Variants in ACTN2 observed in about 807,000 individuals in gnomAD.
ACTN2 encodes actinin alpha 2.
Under a neutral mutation model 113.8 loss-of-function variants are expected in ACTN2, and 39 were observed. The observed-to-expected ratio is 0.34, with a 90% confidence interval of 0.27 to 0.45. The LOEUF (loss-of-function observed/expected upper bound fraction) is 0.45, where lower values mean the gene tolerates loss of function less well. Ranked by LOEUF, ACTN2 falls within the 20% of genes least tolerant of loss-of-function variation. The pLI is 1.00. For missense variants in ACTN2, 992 were observed against 1,177.9 expected (o/e 0.84, Z 2.31); for synonymous variants, 429 against 444.1 (o/e 0.97, Z 0.43).
At chr1:236,688,260 G>A (rs1305135235) in intron 1 of ACTN2, among the ~76,000 whole-genome samples, 1 of 151,940 alleles carries the variant, frequency 6.6e-6, no homozygotes, top group Non-Finnish European at 1.5e-5. Context: ...TAACTCCCGG[G>A]TCTTTGTTTT....
chr1:236,748,559 C>T (rs1432524139), intron 13 of ACTN2, among the ~76,000 whole-genome samples: 1 of 152,142 alleles, frequency 6.6e-6, no homozygotes, highest in African/African-American at 2.4e-5. Context: ...GAAACAAGCG[C>T]AGGATCATCC....
rs535426810 is a variant in ACTN2 at position 236,730,449 on chromosome 1, T to C, written c.616-784T>C. On this transcript the variant is annotated intron_variant, in intron 6 of 20. Transcript: ENST00000366578. The stretch of plus-strand genomic sequence containing the variant: ...GGTTTCTAAAATATTGAAATGACTT[T>C]GTTATTAAAATTCGTTAAAGTCACA... Among the ~76,000 whole-genome samples, 14 of 152,318 alleles carry C rather than the reference T, an allele frequency of 9.2e-5. No individual in the cohort carries two copies. In the South Asian group the frequency reaches 2.7e-3, roughly 29 times the overall value.
intron 11 of ACTN2, 66 bp downstream of exon 11, chr1:236,743,109 T>G (rs569621764): frequency 6.3e-7 from 1 of 1,575,388 alleles, no homozygotes; most frequent in African/African-American, 1.3e-5. Context: ...AGAGCCATGA[T>G]GCATCCTTAC....
At chr1:236,709,570 G>A (rs1207747834) in intron 1 of ACTN2, among the ~76,000 whole-genome samples, 1 of 151,538 alleles carries the variant, frequency 6.6e-6, no homozygotes, top group East Asian at 1.9e-4. Flanking sequence ...CAGGATGCAG[G>A]TCGTGATGAG....
At position 236,708,119 on chromosome 1, in the gene ACTN2, T is replaced by TG. The variant is rs1350289432; in HGVS notation, c.127-9738dup. Among the ~76,000 whole-genome samples the TG allele has an allele frequency of 2.0e-5, 3 of 152,014 alleles. No homozygotes were observed. The East Asian group carries it at 5.8e-4, about 29-fold the overall frequency. The stretch of plus-strand genomic sequence containing the variant: ...AGCCAGGGTTCAGATTTAAGGCCTG[T>TG]GTTTTTTTAGGGATTGCTGGACTGA... On this transcript the variant is annotated intron_variant, in intron 1 of 20. Coordinates refer to ENST00000366578, the MANE Select transcript of ACTN2 (RefSeq NM_001103.4).
intron 1 of ACTN2, among the ~76,000 whole-genome samples, chr1:236,710,878 A>G (rs1470753788): frequency 6.6e-6 from 1 of 152,154 alleles, no homozygotes; most frequent in Non-Finnish European, 1.5e-5. Flanking sequence ...TTCAACCTGA[A>G]ACCATCCCCC....
chr1:236,708,120 GT>G (rs770085060), intron 1 of ACTN2, among the ~76,000 whole-genome samples: 51 of 152,098 alleles, frequency 3.4e-4, no homozygotes, highest in Middle Eastern at 3.4e-3. Flanking sequence ...TAAGGCCTGT[GT>G]TTTTTTAGGG....
intron 4 of ACTN2, among the ~76,000 whole-genome samples, chr1:236,721,015 G>GTTTTTTTTTTTT (rs869155855): frequency 2.0e-5 from 1 of 49,138 alleles, no homozygotes; most frequent in Admixed American, 3.4e-4. Flanking sequence ...TCTGGTTTTT[G>GTTTTTTTTTTTT]TTTTTTGTTT....
At chr1:236,704,429 T>A (rs1235902617) in intron 1 of ACTN2, among the ~76,000 whole-genome samples, 1 of 152,152 alleles carries the variant, frequency 6.6e-6, no homozygotes, top group Non-Finnish European at 1.5e-5. Context: ...GTCCGTTTGG[T>A]GATAGCACCG....
intron 7 of ACTN2, chr1:236,734,354 A>T: frequency 9.9e-7 from 1 of 1,014,228 alleles, no homozygotes; most frequent in East Asian, 2.7e-5. Context: ...TCCTGATTCC[A>T]ACACCTCTGA....
intron 1 of ACTN2, among the ~76,000 whole-genome samples, chr1:236,707,931 C>T (rs904959282): frequency 2.6e-5 from 4 of 151,806 alleles, no homozygotes; most frequent in Non-Finnish European, 2.9e-5. Context: ...AGGCTGGTCT[C>T]GAACTCCTAG....
chr1:236,728,257 C>G (rs1423052797), intron 6 of ACTN2, among the ~76,000 whole-genome samples: 1 of 151,826 alleles, frequency 6.6e-6, no homozygotes, highest in Non-Finnish European at 1.5e-5. Flanking sequence ...CATTCTCCTG[C>G]CTCAGCCTCC....
At chr1:236,743,655 A>G (rs1444988228) in intron 11 of ACTN2, among the ~76,000 whole-genome samples, 1 of 151,618 alleles carries the variant, frequency 6.6e-6, no homozygotes, top group Non-Finnish European at 1.5e-5. Flanking sequence ...ATCACATAAT[A>G]ATCTGTTTTG....
chr1:236,740,626 G>T (rs1393609660), intron 10 of ACTN2, among the ~76,000 whole-genome samples: 1 of 151,568 alleles, frequency 6.6e-6, no homozygotes, highest in Non-Finnish European at 1.5e-5. Flanking sequence ...TCTGCCTCCC[G>T]AGTTCAAGCA....
intron 14 of ACTN2, among the ~76,000 whole-genome samples, chr1:236,750,743 G>A (rs1406704263): frequency 6.6e-6 from 1 of 152,108 alleles, no homozygotes; most frequent in Non-Finnish European, 1.5e-5. Flanking sequence ...TATAATGGTA[G>A]CAAATGTTAG....
In ACTN2 at chr1:236,742,983, T is replaced by C. The variant is rs1486800362; in HGVS notation, c.1195T>C (p.Leu399=). ...LLNEIRRLER[L]EHLAEKFRQK... is the part of the protein sequence containing the mutation. ...CAATGAGATTCGGAGACTGGAGCGC[T>C]TGGAACACCTGGCTGAGAAGTTCAG... The change falls in exon 11 of 21, where the codon TTG becomes CTG. Residue 399 remains leucine, a synonymous_variant. Transcript: ENST00000366578. 1 of 1,614,030 alleles carries C rather than the reference T, an allele frequency of 6.2e-7. No homozygotes were observed. Among genetic ancestry groups the C allele is most frequent in the African/African-American group, 1.3e-5 (1 of 74,894 alleles).
chr1:236,753,863 C>T, intron 15 of ACTN2, 84 bp from the exon 16 acceptor site: 1 of 1,364,492 alleles, frequency 7.3e-7, no homozygotes, highest in East Asian at 2.8e-5. Context: ...CCACCCCCAC[C>T]CCTTGGACTA....
chr1:236,723,183 C>T (rs1462292516), intron 4 of ACTN2, among the ~76,000 whole-genome samples: 1 of 152,168 alleles, frequency 6.6e-6, no homozygotes, highest in Non-Finnish European at 1.5e-5. Flanking sequence ...ATTATTTCTT[C>T]CTGATGTACT....
intron 12 of ACTN2, among the ~76,000 whole-genome samples, chr1:236,747,326 AT>A (rs1363792867): frequency 6.6e-6 from 1 of 152,156 alleles, no homozygotes; most frequent in Non-Finnish European, 1.5e-5. Flanking sequence ...TCTCTATCAG[AT>A]TTTTATTTTT....
Sources: gnomAD v4.1 joint callset for allele counts (sites outside exome capture counted in the v4.1 genomes callset) on GRCh38, gnomAD v4.1.1 for gene constraint, MANE v1.5 for transcripts, NCBI Gene and HGNC (gene_info 2026-07-23, HGNC 2026-07-21) for gene names.